DPF3: variants seen among roughly 807,000 people sequenced by gnomAD.
The protein encoded by DPF3 is zinc finger protein DPF3.
In DPF3, 18 loss-of-function variants were observed where a neutral mutation model predicts 56.8. The observed-to-expected ratio is 0.32, with a 90% CI of 0.22 to 0.47. DPF3 has a LOEUF of 0.47. Among genes scored for constraint, DPF3 ranks in the 20% least tolerant of loss-of-function variants. The pLI, the probability that DPF3 is intolerant of heterozygous loss-of-function variation, is 1.00. For missense variants in DPF3, 403 were observed against 488.8 expected (o/e 0.82, Z 1.65); for synonymous variants, 188 against 180.2 (o/e 1.04, Z -0.35).
At chr14:72,851,858 C>G (rs900635736) in intron 1 of DPF3, among the ~76,000 whole-genome samples, 1 of 152,252 alleles carries the variant, frequency 6.6e-6, no homozygotes, top group Non-Finnish European at 1.5e-5. Context: ...GGGAGGACAG[C>G]TCGCCCAGCC....
chr14:72,610,196 C>T lies in DPF3; in HGVS notation c.*9101G>A, dbSNP rs578147214. Among the ~76,000 whole-genome samples, 1 of 152,328 alleles carries T rather than the reference C, an allele frequency of 6.6e-6. No individual in the cohort carries two copies. The highest frequency in any genetic ancestry group is 2.1e-4 in the South Asian group (1 of 4,824). On this transcript the variant is annotated 3_prime_UTR_variant, in exon 11 of 11. Coordinates refer to ENST00000556509, the MANE Select transcript of DPF3 (RefSeq NM_001280542.3). ...TGCTTCGTATCTGCAGGTCTAGAGA[C>T]ATCAATGGAGGCAGCAATTGGAGAT... is the stretch of plus-strand genomic sequence containing the variant.
chr14:72,750,900 A>G (rs539768031), intron 3 of DPF3, among the ~76,000 whole-genome samples: 1 of 152,172 alleles, frequency 6.6e-6, no homozygotes, highest in South Asian at 2.1e-4. Context: ...GAATGTCAAA[A>G]TATGTGACTG....
At chr14:72,638,962 G>T (rs190695893) in intron 8 of DPF3, among the ~76,000 whole-genome samples, 1 of 152,038 alleles carries the variant, frequency 6.6e-6, no homozygotes, top group Non-Finnish European at 1.5e-5. Flanking sequence ...GACTACAGGC[G>T]CCCGCCACCA....
At chr14:72,648,623 AC>A (rs547545163) in intron 8 of DPF3, among the ~76,000 whole-genome samples, 68 of 149,266 alleles carry the variant, frequency 4.6e-4, no homozygotes, top group Non-Finnish European at 9.7e-4. Flanking sequence ...TGCCACACCC[AC>A]CCAGCTCCCC....
chr14:72,843,860 C>T (rs73304183), intron 1 of DPF3, among the ~76,000 whole-genome samples: 8,649 of 152,282 alleles, frequency 0.057, 723 homozygotes, highest in African/African-American at 0.19. Flanking sequence ...CTAAGACTTA[C>T]GCAGGTTTAC....
At chr14:72,760,474 C>T (rs916903044) in intron 2 of DPF3, among the ~76,000 whole-genome samples, 5 of 152,138 alleles carry the variant, frequency 3.3e-5, no homozygotes, top group Non-Finnish European at 7.4e-5. Flanking sequence ...ATCCTTAATC[C>T]TGTCTTCGAA....
chr14:72,881,294 CTGTTGTTGTTGTTGT>C (rs10545910), intron 1 of DPF3, among the ~76,000 whole-genome samples: 34,654 of 151,086 alleles, frequency 0.23, 4,023 homozygotes, highest in African/African-American at 0.24. Flanking sequence ...AAATTCAGAG[CTGTTGTTGTTGTTGT>C]TGTTGTTGTT....
intron 8 of DPF3, among the ~76,000 whole-genome samples, chr14:72,655,096 C>G (rs546972493): frequency 6.6e-6 from 1 of 152,124 alleles, no homozygotes; most frequent in African/African-American, 2.4e-5. Flanking sequence ...TTGTCTCCAT[C>G]CCCAAACTCC....
At chr14:72,793,848 C>T (rs1289022774) in intron 1 of DPF3, among the ~76,000 whole-genome samples, 2 of 152,234 alleles carry the variant, frequency 1.3e-5, no homozygotes, top group African/African-American at 4.8e-5. Context: ...GTGATCCTTG[C>T]ACCTTCAAGA....
chr14:72,614,478 G>A lies in DPF3; in HGVS notation c.*4819C>T, dbSNP rs1883952418. Among the ~76,000 whole-genome samples, 1 of 152,088 alleles carries A rather than the reference G, an allele frequency of 6.6e-6. No homozygotes were observed. The highest frequency in any genetic ancestry group is 2.4e-5 in the African/African-American group (1 of 41,436). ...GGCCAGTCCCCCTCTTCCCTTCCCA[G>A]CTACTGGTGTCCTGGGCTTGGGGGA... On this transcript the variant is annotated 3_prime_UTR_variant, in exon 11 of 11. Transcript: ENST00000556509.
intron 1 of DPF3, among the ~76,000 whole-genome samples, chr14:72,879,412 G>A (rs933644297): frequency 6.6e-6 from 1 of 151,714 alleles, no homozygotes; most frequent in African/African-American, 2.4e-5. Context: ...AAAGGCATAT[G>A]TGGCTACTGT....
At chr14:72,828,228 A>G (rs2140047094) in intron 1 of DPF3, among the ~76,000 whole-genome samples, 1 of 152,338 alleles carries the variant, frequency 6.6e-6, no homozygotes, top group East Asian at 1.9e-4. Context: ...GCTAAGCACC[A>G]TGCTGGGTAC....
At position 72,674,114 on chromosome 14, in the gene DPF3, T is replaced by C; in HGVS notation, c.871+126A>G. The C allele has an allele frequency of 7.4e-6, 10 of 1,343,298 alleles. No individual in the cohort carries two copies. The South Asian group carries it at 1.7e-4, about 22-fold the overall frequency. The allele number at this position is 1,343,298 out of a possible 1,614,324, so 83.2% of individuals were successfully genotyped here. A position where few individuals can be genotyped will look rare whatever the true frequency, so the allele number is the denominator to read the frequency against. The stretch of plus-strand genomic sequence containing the variant: ...AATATCAGAATGAGCTGAAAACTCC[T>C]CTCCACTCGAAAGCATTGCCACCAT... On this transcript the variant is annotated intron_variant, in intron 8 of 10. Transcript: ENST00000556509.
chr14:72,741,250 T>G (rs1284509220), intron 3 of DPF3, among the ~76,000 whole-genome samples: 1 of 151,912 alleles, frequency 6.6e-6, no homozygotes. Flanking sequence ...ACTTGCCAAG[T>G]CCTCCACCCT....
chr14:72,661,324 G>T, intron 8 of DPF3: 1 of 985,418 alleles, frequency 1.0e-6, no homozygotes, highest in Non-Finnish European at 1.2e-6. Context: ...CTGGCAGGAA[G>T]TCGGTGCCCA....
chr14:72,861,727 AAGAAAGAAAG>A (rs753409919), intron 1 of DPF3, among the ~76,000 whole-genome samples: 3 of 90,276 alleles, frequency 3.3e-5, no homozygotes, highest in African/African-American at 4.9e-5. Flanking sequence ...AAGAGAGAGA[AAGAAAGAAAG>A]AGAAAGAAAG....
intron 5 of DPF3, among the ~76,000 whole-genome samples, chr14:72,715,494 G>A (rs903995346): frequency 1.8e-4 from 28 of 152,254 alleles, no homozygotes; most frequent in African/African-American, 6.5e-4. Flanking sequence ...AGAGAGGAAG[G>A]GGCAGCAGGT....
chr14:72,642,429 G>A (rs1885591392), intron 8 of DPF3, among the ~76,000 whole-genome samples: 3 of 152,240 alleles, frequency 2.0e-5, no homozygotes, highest in Non-Finnish European at 4.4e-5. Context: ...GCTGGACAAT[G>A]AAGGAGAGGA....
chr14:72,657,412 T>A (rs1309922999), intron 8 of DPF3, among the ~76,000 whole-genome samples: 1 of 152,196 alleles, frequency 6.6e-6, no homozygotes, highest in Non-Finnish European at 1.5e-5. Context: ...CTGGTAAACA[T>A]GGCACTACTG....
Sources: allele counts gnomAD v4.1 joint callset (sites outside exome capture counted in the v4.1 genomes callset), GRCh38; gene constraint gnomAD v4.1.1; transcripts MANE v1.5; gene names NCBI Gene and HGNC (gene_info 2026-07-23, HGNC 2026-07-21).